OR2H2: variants seen among roughly 807,000 people sequenced by gnomAD.
OR2H2 encodes olfactory receptor family 2 subfamily H member 2.
For missense variants in OR2H2, 295 were observed against 313.7 expected, an observed-to-expected ratio of 0.94 and a Z score of 0.45; for synonymous variants, 146 against 132.4, an observed-to-expected ratio of 1.10 and a Z score of -0.71.
chr6:29,586,895 T>C (rs1333100938), intron 1 of OR2H2, among the ~76,000 whole-genome samples: 1 of 152,104 alleles, frequency 6.6e-6, no homozygotes, highest in Non-Finnish European at 1.5e-5. Flanking sequence ...AGTCCTTGTC[T>C]CTGACCTGCC....
At chr6:29,586,015 AAGGAGGGGGCGGCAGCCAATGAG>A (rs1760228030) in intron 1 of OR2H2, among the ~76,000 whole-genome samples, 2 of 152,224 alleles carry the variant, frequency 1.3e-5, no homozygotes, top group Non-Finnish European at 2.9e-5. Context: ...AAAGAAAACA[AAGGAGGGGGCGGCAGCCAATGAG>A]CATGAGGTTT....
intron 1 of OR2H2, among the ~76,000 whole-genome samples, chr6:29,587,250 G>A (rs1357420266): frequency 1.3e-5 from 2 of 152,140 alleles, no homozygotes; most frequent in Admixed American, 6.5e-5. Flanking sequence ...TGGCAAGGAC[G>A]AAGCATGTGG....
At chr6:29,585,732 C>T (rs1032443019) in intron 1 of OR2H2, among the ~76,000 whole-genome samples, 11 of 151,902 alleles carry the variant, frequency 7.2e-5, no homozygotes, top group South Asian at 2.1e-4. Context: ...TGAATAAATG[C>T]GTAGACCAAT....
chr6:29,587,978 CT>C lies in OR2H2; in HGVS notation c.36del (p.Leu13TrpfsTer23). On this transcript the variant is annotated frameshift_variant, in exon 2 of 2. Transcript: ENST00000641840. LOFTEE classifies it low-confidence loss of function (END_TRUNC). ...CCAAAGCTCCACACCGGGCTTCCTCCTTCTGGGCTTCTCTGAACACCCAGGG... is the reference window on the plus strand; with the variant it reads ...CCAAAGCTCCACACCGGGCTTCCTCCTCTGGGCTTCTCTGAACACCCAGGG... ...VNQSSTPGFL[L>X]LGFSEHPGLE... The C allele has an allele frequency of 1.0e-6, 1 of 978,076 alleles. No individual in the cohort carries two copies. Among genetic ancestry groups the C allele is most frequent in the African/African-American group, 1.6e-5 (1 of 64,352 alleles). The allele number at this position is 978,076 out of a possible 1,614,324, so 60.6% of individuals were successfully genotyped here. A position where few individuals can be genotyped will look rare whatever the true frequency, so the allele number is the denominator to read the frequency against.
chr6:29,589,272 A>G lies in OR2H2; in HGVS notation c.*389A>G, dbSNP rs191943427. 1.0e-4 allele frequency: 21 copies of G among 205,346 alleles called. No individual in the cohort carries two copies. The highest frequency in any genetic ancestry group is 8.9e-4 in the Admixed American group (17 of 19,202). 12.7% of individuals were successfully genotyped at this position (205,346 alleles called of 1,614,324 possible). A position where few individuals can be genotyped will look rare whatever the true frequency, so the allele number is the denominator to read the frequency against. On this transcript the variant is annotated 3_prime_UTR_variant, in exon 2 of 2. Transcript: ENST00000641840. ...TCCCTCATGTTTTTCCCACTTCACT[A>G]TATGTCTGTTTTGTATTCTCATTCT...
chr6:29,585,579 GTTGT>G (rs1760190060), intron 1 of OR2H2, among the ~76,000 whole-genome samples: 1 of 152,220 alleles, frequency 6.6e-6, no homozygotes, highest in Non-Finnish European at 1.5e-5. Flanking sequence ...TGTTCAGGGA[GTTGT>G]TTATCACCAT....
In OR2H2 at chr6:29,588,828, T is replaced by C; in HGVS notation, c.884T>C (p.Val295Ala). The change falls in exon 2 of 2, where the codon GTA becomes GCA. Residue 295 changes from valine to alanine, a missense_variant. By Grantham distance (64) the Val-to-Ala change is moderately conservative. Coordinates refer to ENST00000641840, the MANE Select transcript of OR2H2 (RefSeq NM_007160.4). ...PLIYTLRNKE[V>A]TRAFRRLLGK... ...ATATACACCCTGAGGAACAAGGAGG[T>C]AACCAGGGCATTCAGGAGATTGCTG... The C allele has an allele frequency of 2.4e-6, 2 of 831,408 alleles. No individual in the cohort carries two copies. Among genetic ancestry groups the C allele is most frequent in the Non-Finnish European group, 4.3e-6 (2 of 465,162 alleles). 51.5% of individuals were successfully genotyped at this position (831,408 alleles called of 1,614,324 possible).
Position 29,590,280 on chromosome 6 carries a change from C to G in OR2H2, c.*1397C>G, listed in dbSNP as rs1316991454. On this transcript the variant is annotated 3_prime_UTR_variant, in exon 2 of 2. Transcript: ENST00000641840. ...GGATTTGAACCCAGGAAAACTGGCT[C>G]CAGACTCCTTGCTCTTAACCTTGCC... 1 of 152,158 alleles carries G rather than the reference C, an allele frequency of 6.6e-6. No homozygotes were observed. Among genetic ancestry groups the G allele is most frequent in the Non-Finnish European group, 1.5e-5 (1 of 68,024 alleles). The allele number at this position is 152,158 out of a possible 1,614,324, so 9.4% of individuals were successfully genotyped here.
In OR2H2 at chr6:29,589,110, T is replaced by A. The variant is rs1167196895; in HGVS notation, c.*227T>A. ...TTATAGGCATCAAGTATATTTTATA[T>A]TTTTTTCTACTTTAAGTCTTCGCCT... On this transcript the variant is annotated 3_prime_UTR_variant, in exon 2 of 2. Transcript: ENST00000641840. 1 of 537,004 alleles carries A rather than the reference T, an allele frequency of 1.9e-6. No homozygotes were observed. The highest frequency in any genetic ancestry group is 3.0e-5 in the East Asian group (1 of 33,730). The allele number at this position is 537,004 out of a possible 1,614,324, so 33.3% of individuals were successfully genotyped here.
rs1368529939 is a variant in OR2H2 at position 29,588,529 on chromosome 6, C to T, written c.585C>T (p.Ile195=). Residue 195 remains isoleucine (I), a synonymous_variant, in exon 2 of 2, where the codon ATC becomes ATT. Transcript: ENST00000641840. Reference sequence around the variant, plus strand: ...GTGAAGACACCTCCTACAATGAGATCCAGGTGGCTGTTGCCAGTGTCTTCA... The same window carrying T: ...GTGAAGACACCTCCTACAATGAGATTCAGGTGGCTGTTGCCAGTGTCTTCA... ...LSCEDTSYNE[I]QVAVASVFIL... 3 of 955,654 alleles carry T rather than the reference C, an allele frequency of 3.1e-6. No homozygotes were observed. In the African/African-American group the frequency reaches 4.8e-5, roughly 15 times the overall value. 59.2% of individuals were successfully genotyped at this position (955,654 alleles called of 1,614,324 possible).
chr6:29,588,317 T>C lies in OR2H2; in HGVS notation c.373T>C (p.Cys125Arg), dbSNP rs1286101676. ...VMAFDRYVAV[C>R]QPLHYATIIH... ...GGCTTTTGATCGCTACGTGGCTGTC[T>C]GCCAGCCCCTCCACTATGCCACCAT... Residue 125 changes from cysteine to arginine, a missense_variant, in exon 2 of 2, where the codon TGC becomes CGC. By Grantham distance (180) the Cys-to-Arg change is radical. Transcript: ENST00000641840. 3.1e-6 allele frequency: 5 copies of C among 1,612,836 alleles called. No individual in the cohort carries two copies. Among genetic ancestry groups the C allele is most frequent in the Non-Finnish European group, 4.2e-6 (5 of 1,179,920 alleles).
rs362521 is a variant in OR2H2 at position 29,588,982 on chromosome 6, C to T, written c.*99C>T. 0.063 allele frequency: 40,627 copies of T among 649,122 alleles called. 1,691 individuals are homozygous for T. Among genetic ancestry groups the T allele is most frequent in the South Asian group, 0.14 (7,384 of 54,098 alleles). The allele number at this position is 649,122 out of a possible 1,614,324, so 40.2% of individuals were successfully genotyped here. ...CCCTCTGCCTTCTTCACACCCATTA[C>T]ATTGTGGGAATGGATGAAAGCCACA... On this transcript the variant is annotated 3_prime_UTR_variant, in exon 2 of 2. Coordinates refer to ENST00000641840, the MANE Select transcript of OR2H2 (RefSeq NM_007160.4).
chr6:29,588,223 G>A lies in OR2H2; in HGVS notation c.279G>A (p.Leu93=). The change falls in exon 2 of 2, where the codon CTG becomes CTA. Residue 93 remains leucine, a synonymous_variant. Coordinates refer to ENST00000641840, the MANE Select transcript of OR2H2 (RefSeq NM_007160.4). ...LWGPKKTISF[L]DCSVQIFIFL... is the part of the protein sequence containing the mutation. ...GCCCAAAGAAGACCATCAGCTTCCT[G>A]GACTGCTCTGTCCAGATCTTCATCT... 3 of 1,539,460 alleles carry A rather than the reference G, an allele frequency of 1.9e-6. No homozygotes were observed. The highest frequency in any genetic ancestry group is 2.7e-6 in the Non-Finnish European group (3 of 1,113,014).
chr6:29,588,913 G>A lies in OR2H2; in HGVS notation c.*30G>A, dbSNP rs1197183769. 1.3e-6 allele frequency: 1 copy of A among 770,728 alleles called. No homozygotes were observed. Among genetic ancestry groups the A allele is most frequent in the Non-Finnish European group, 2.4e-6 (1 of 414,458 alleles). 47.7% of individuals were successfully genotyped at this position (770,728 alleles called of 1,614,324 possible). ...GAGCTGCTTAATGTGCTTTAAAAGA[G>A]AGGAGATTCTATGTGCTTTTATCAG... On this transcript the variant is annotated 3_prime_UTR_variant, in exon 2 of 2. Transcript: ENST00000641840.
At chr6:29,586,195 A>G (rs1224439065) in intron 1 of OR2H2, among the ~76,000 whole-genome samples, 1 of 152,222 alleles carries the variant, frequency 6.6e-6, no homozygotes, top group Non-Finnish European at 1.5e-5. Flanking sequence ...CGAAGGCATA[A>G]TTAAAAATTT....
In OR2H2 at chr6:29,589,221, A is replaced by G. The variant is rs537691607; in HGVS notation, c.*338A>G. 3.5e-6 allele frequency: 1 copy of G among 284,092 alleles called. No homozygotes were observed. Among genetic ancestry groups the G allele is most frequent in the South Asian group, 1.0e-4 (1 of 9,740 alleles). 17.6% of individuals were successfully genotyped at this position (284,092 alleles called of 1,614,324 possible). A position where few individuals can be genotyped will look rare whatever the true frequency, so the allele number is the denominator to read the frequency against. On this transcript the variant is annotated 3_prime_UTR_variant, in exon 2 of 2. Transcript: ENST00000641840. ...CCACTATTCCTTCACCTCCAATTCTAATTCCTACCATATCTTCTTTGCTTC... is the reference window on the plus strand; with the variant it reads ...CCACTATTCCTTCACCTCCAATTCTGATTCCTACCATATCTTCTTTGCTTC...
At position 29,588,453 on chromosome 6, in the gene OR2H2, G is replaced by A. The variant is rs776753816; in HGVS notation, c.509G>A (p.Arg170Gln). The change falls in exon 2 of 2, where the codon CGG (arginine) becomes CAG (glutamine). Residue 170 changes from arginine (R) to glutamine (Q), a missense_variant. Coordinates refer to ENST00000641840, the MANE Select transcript of OR2H2 (RefSeq NM_007160.4). ...CTGCACCTGCCCTTCTGCCCCGATC[G>A]GCAGGTGGATGATTTTGTCTGTGAG... ...STLHLPFCPDRQVDDFVCEVP... is the reference protein window; with the variant it reads ...STLHLPFCPDQQVDDFVCEVP... The A allele has an allele frequency of 6.0e-6, 8 of 1,339,334 alleles. No individual in the cohort carries two copies. The highest frequency in any genetic ancestry group is 2.3e-5 in the South Asian group (2 of 85,634). 83.0% of individuals were successfully genotyped at this position (1,339,334 alleles called of 1,614,324 possible).
In OR2H2 at chr6:29,589,100, ATATTT is replaced by A. The variant is rs1456956940; in HGVS notation, c.*221_*225del. On this transcript the variant is annotated 3_prime_UTR_variant, in exon 2 of 2. Coordinates refer to ENST00000641840, the MANE Select transcript of OR2H2 (RefSeq NM_007160.4). ...ATGCGAAAAATTATAGGCATCAAGT[ATATTT>A]TATATTTTTTTCTACTTTAAGTCTT... The A allele has an allele frequency of 1.7e-4, 91 of 541,790 alleles. No homozygotes were observed. In the East Asian group the frequency reaches 2.6e-3, roughly 16 times the overall value. 33.6% of individuals were successfully genotyped at this position (541,790 alleles called of 1,614,324 possible). A position where few individuals can be genotyped will look rare whatever the true frequency, so the allele number is the denominator to read the frequency against.
chr6:29,590,010 T>A lies in OR2H2; in HGVS notation c.*1127T>A, dbSNP rs1413893242. 1 of 152,222 alleles carries A rather than the reference T, an allele frequency of 6.6e-6. No individual in the cohort carries two copies. The highest frequency in any genetic ancestry group is 1.9e-4 in the East Asian group (1 of 5,204). 9.4% of individuals were successfully genotyped at this position (152,222 alleles called of 1,614,324 possible). ...ATATCTCATGTAATTTACTGAATACTGTACTAAAAGTGAAAAAACAGAATG... is the reference window on the plus strand; with the variant it reads ...ATATCTCATGTAATTTACTGAATACAGTACTAAAAGTGAAAAAACAGAATG... On this transcript the variant is annotated 3_prime_UTR_variant, in exon 2 of 2. Coordinates refer to ENST00000641840, the MANE Select transcript of OR2H2 (RefSeq NM_007160.4).
Sources: gnomAD v4.1 joint callset for allele counts (sites outside exome capture counted in the v4.1 genomes callset) on GRCh38, gnomAD v4.1.1 for gene constraint, MANE v1.5 for transcripts, NCBI Gene and HGNC (gene_info 2026-07-23, HGNC 2026-07-21) for gene names.